Variants in PLA2R1 observed in about 807,000 individuals in gnomAD.
PLA2R1 encodes phospholipase A2 receptor 1.
A neutral mutation model predicts 195.9 loss-of-function variants in PLA2R1; 158 were observed. The ratio of observed to expected loss-of-function variants is 0.81; its 90% confidence interval spans 0.71 to 0.92. The LOEUF (loss-of-function observed/expected upper bound fraction) is 0.92. Among genes scored for constraint, PLA2R1 ranks in the 40% least tolerant of loss-of-function variants. The pLI is 0.00. For synonymous variants in PLA2R1, 586 were observed against 598.2 expected (o/e 0.98, Z 0.30); for missense variants, 1,626 against 1,764.6 (o/e 0.92, Z 1.41).
intron 6 of PLA2R1, among the ~76,000 whole-genome samples, chr2:160,025,884 G>C (rs1693489806): frequency 6.6e-6 from 1 of 152,158 alleles, no homozygotes; most frequent in Non-Finnish European, 1.5e-5. Context: ...AAAATGAGCA[G>C]AGGTAGGAAA....
At chr2:160,025,588 C>CAAAAAAAAAAAAAAAAAAA (rs56365741) in intron 6 of PLA2R1, among the ~76,000 whole-genome samples, 7 of 52,846 alleles carry the variant, frequency 1.3e-4, no homozygotes, top group East Asian at 6.4e-4. Flanking sequence ...AACCATAAAG[C>CAAAAAAAAAAAAAAAAAAA]AAAAAAAAAA....
chr2:160,020,287 C>T (rs748229018), intron 7 of PLA2R1, 24 bp from the exon 8 acceptor site: 5 of 1,568,756 alleles, frequency 3.2e-6, no homozygotes, highest in Non-Finnish European at 4.4e-6. Flanking sequence ...ATGTAAATTA[C>T]TTATGGGATC....
rs774043968 is a variant in PLA2R1, at chr2:159,956,657, AT to A, written c.2905-31del. The stretch of plus-strand genomic sequence containing the variant: ...CAAAAAATGTCAAAACAAAACATTC[AT>A]TTCTGTATCTTTCTAAGTGAATTAA... On this transcript the variant is annotated intron_variant, in intron 20 of 29. Transcript: ENST00000283243. The A allele has an allele frequency of 4.0e-6, 5 of 1,245,742 alleles. No individual in the cohort carries two copies. In the South Asian group the frequency reaches 6.0e-5, roughly 15 times the overall value. 77.2% of individuals were successfully genotyped at this position (1,245,742 alleles called of 1,614,324 possible).
intron 6 of PLA2R1, 77 bp from the exon 7 acceptor site, chr2:160,022,936 C>T (rs1693240277): frequency 5.1e-6 from 5 of 971,330 alleles, no homozygotes; most frequent in Non-Finnish European, 7.7e-6. Flanking sequence ...TGTAAATTGC[C>T]ATTAATATGA....
In PLA2R1 at chr2:159,935,733, G is replaced by A. The variant is rs911182598; in HGVS notation, c.*6045C>T. On this transcript the variant is annotated 3_prime_UTR_variant, in exon 30 of 30. Transcript: ENST00000283243. ...TCAAGAAGCCTAAGTTCCTTTGACTGGAGATACTACAACAATTTGAATTCT... is the reference window on the plus strand; with the variant it reads ...TCAAGAAGCCTAAGTTCCTTTGACTAGAGATACTACAACAATTTGAATTCT... 6.6e-6 allele frequency: 1 copy of A among 151,914 alleles called. No homozygotes were observed. Among genetic ancestry groups the A allele is most frequent in the Non-Finnish European group, 1.5e-5 (1 of 67,990 alleles). 9.4% of individuals were successfully genotyped at this position (151,914 alleles called of 1,614,324 possible). A position where few individuals can be genotyped will look rare whatever the true frequency, so the allele number is the denominator to read the frequency against.
intron 13 of PLA2R1, among the ~76,000 whole-genome samples, chr2:159,980,178 C>T (rs1156873297): frequency 6.6e-6 from 1 of 152,134 alleles, no homozygotes; most frequent in Non-Finnish European, 1.5e-5. Context: ...AAACCCTGTG[C>T]TGTGACATGA....
In PLA2R1 at chr2:159,937,110, T is replaced by G. The variant is rs190956433; in HGVS notation, c.*4668A>C. 116 of 152,260 alleles carry G rather than the reference T, an allele frequency of 7.6e-4. No individual in the cohort carries two copies. The highest frequency in any genetic ancestry group is 2.7e-3 in the African/African-American group (114 of 41,540). The allele number at this position is 152,260 out of a possible 1,614,324, so 9.4% of individuals were successfully genotyped here. A position where few individuals can be genotyped will look rare whatever the true frequency, so the allele number is the denominator to read the frequency against. ...TTCAGTTTTTTTTAAAGCATAGAAG[T>G]GGAAACACCCTACTTGCAAAGTGAT... On this transcript the variant is annotated 3_prime_UTR_variant, in exon 30 of 30. Transcript: ENST00000283243.
At chr2:159,973,927 G>T (rs981445349) in intron 17 of PLA2R1, among the ~76,000 whole-genome samples, 3 of 152,054 alleles carry the variant, frequency 2.0e-5, no homozygotes, top group African/African-American at 7.2e-5. Flanking sequence ...CATGGCAGTG[G>T]CTATGATGAC....
intron 1 of PLA2R1, among the ~76,000 whole-genome samples, chr2:160,052,127 A>G (rs747525698): frequency 1.3e-5 from 2 of 152,154 alleles, no homozygotes; most frequent in Non-Finnish European, 2.9e-5. Context: ...ATCTTTTTAC[A>G]TGTTCTCTTC....
chr2:159,954,228 C>T (rs1359381038), intron 23 of PLA2R1, among the ~76,000 whole-genome samples: 3 of 152,060 alleles, frequency 2.0e-5, no homozygotes, highest in Admixed American at 2.0e-4. Context: ...TTGTGGCATA[C>T]CGCGCATACA....
rs548673166 is a variant in PLA2R1 at position 159,967,438 on chromosome 2, A to T, written c.2904+101T>A. On this transcript the variant is annotated intron_variant, in intron 20 of 29. Coordinates refer to ENST00000283243, the MANE Select transcript of PLA2R1 (RefSeq NM_007366.5). ...GACAAAAAAATTCCAGGTCCTATGGACAACTCACAGCTTTCAAAAGCCACT... is the reference window on the plus strand; with the variant it reads ...GACAAAAAAATTCCAGGTCCTATGGTCAACTCACAGCTTTCAAAAGCCACT... The T allele has an allele frequency of 4.1e-6, 4 of 965,082 alleles. No individual in the cohort carries two copies. The East Asian group carries it at 7.6e-5, about 18-fold the overall frequency. The allele number at this position is 965,082 out of a possible 1,614,324, so 59.8% of individuals were successfully genotyped here. A position where few individuals can be genotyped will look rare whatever the true frequency, so the allele number is the denominator to read the frequency against.
rs1469786088 is a variant in PLA2R1, at chr2:159,940,982, C to T, written c.*796G>A. 6.6e-6 allele frequency: 1 copy of T among 152,096 alleles called. No individual in the cohort carries two copies. The highest frequency in any genetic ancestry group is 1.5e-5 in the Non-Finnish European group (1 of 67,986). The allele number at this position is 152,096 out of a possible 1,614,324, so 9.4% of individuals were successfully genotyped here. The stretch of plus-strand genomic sequence containing the variant: ...TTTTCAGAAAGTCCATGAGTTTTAA[C>T]AGTACAACTGTTAAAGTTTCAATAT... On this transcript the variant is annotated 3_prime_UTR_variant, in exon 30 of 30. Coordinates refer to ENST00000283243, the MANE Select transcript of PLA2R1 (RefSeq NM_007366.5).
intron 11 of PLA2R1, among the ~76,000 whole-genome samples, chr2:159,996,309 T>C (rs1389254700): frequency 6.6e-6 from 1 of 152,066 alleles, no homozygotes; most frequent in Non-Finnish European, 1.5e-5. Flanking sequence ...TTTCACAGAG[T>C]ATAGAATCCT....
chr2:159,946,380 C>G, intron 27 of PLA2R1: 1 of 985,840 alleles, frequency 1.0e-6, no homozygotes. Context: ...ATTACAAACT[C>G]TGGTTTTTAT....
At chr2:159,996,898 C>T (rs370996141) in intron 11 of PLA2R1, among the ~76,000 whole-genome samples, 1 of 151,976 alleles carries the variant, frequency 6.6e-6, no homozygotes, top group Non-Finnish European at 1.5e-5. Flanking sequence ...TTAGACTCTC[C>T]ACCTCTTTGC....
rs879656629 is a variant in PLA2R1 at position 160,011,223 on chromosome 2, G to T, written c.1664+2040C>A. 5.7e-4 allele frequency among the ~76,000 whole-genome samples: 87 copies of T among 152,168 alleles called. 1 individual carries two copies. The highest frequency in any genetic ancestry group is 2.8e-4 in the Non-Finnish European group (19 of 68,022). ...AGGGTTCATGGAATATGAAGCATTTGTTCTAACAGATTTCTGCCTTAGCTT... is the reference window on the plus strand; with the variant it reads ...AGGGTTCATGGAATATGAAGCATTTTTTCTAACAGATTTCTGCCTTAGCTT... On this transcript the variant is annotated intron_variant, in intron 10 of 29. Transcript: ENST00000283243.
At chr2:159,975,106 T>C (rs2221809) in intron 17 of PLA2R1, among the ~76,000 whole-genome samples, 14,399 of 152,224 alleles carry the variant, frequency 0.095, 1,920 homozygotes, top group African/African-American at 0.3. Flanking sequence ...CATGCCCCCA[T>C]TGTAATTTGC....
At chr2:159,926,703 A>G in the PLA2R1 span, among the ~76,000 whole-genome samples, 1 of 152,196 alleles carries the variant, frequency 6.6e-6, no homozygotes, top group Non-Finnish European at 1.5e-5. Context: ...AGTTTAATAA[A>G]GGGACTACTG....
intron 20 of PLA2R1, among the ~76,000 whole-genome samples, chr2:159,965,669 T>C (rs1288863080): frequency 1.3e-5 from 2 of 152,314 alleles, no homozygotes; most frequent in East Asian, 3.9e-4. Context: ...AGGAGTGTGA[T>C]TGCTGGATCA....
Sources: allele counts gnomAD v4.1 joint callset (sites outside exome capture counted in the v4.1 genomes callset), GRCh38; gene constraint gnomAD v4.1.1; transcripts MANE v1.5; gene names NCBI Gene and HGNC (gene_info 2026-07-23, HGNC 2026-07-21).